Variants in DOCK8 observed in about 807,000 individuals in gnomAD.
The protein encoded by DOCK8 is dedicator of cytokinesis protein 8.
In DOCK8, 141 loss-of-function variants were observed where a neutral mutation model predicts 245.6. The ratio of observed to expected loss-of-function variants is 0.57; its 90% CI spans 0.50 to 0.66. DOCK8 has a LOEUF of 0.66. Among genes scored for constraint, DOCK8 ranks in the 30% least tolerant of loss-of-function variants. DOCK8 has a pLI of 0.00. For missense variants in DOCK8, 2,965 were observed against 2,603.4 expected (o/e 1.14, Z -3.02); for synonymous variants, 1,168 against 970.2 (o/e 1.20, Z -3.79).
chr9:311,816 CA>C (rs2050126050), intron 5 of DOCK8, 137 bp from the exon 6 acceptor site: 1 of 1,030,648 alleles, frequency 9.7e-7, no homozygotes, highest in Non-Finnish European at 1.5e-6. Context: ...ATCAAATCCG[CA>C]GTTTCTTCAG....
chr9:261,523 G>A (rs957202149), intron 1 of DOCK8, among the ~76,000 whole-genome samples: 6 of 152,144 alleles, frequency 3.9e-5, no homozygotes, highest in African/African-American at 1.4e-4. Flanking sequence ...TTGTTTTATG[G>A]TCGGGGATAT....
chr9:353,608 G>C (rs759305826), intron 14 of DOCK8, among the ~76,000 whole-genome samples: 2 of 152,032 alleles, frequency 1.3e-5, no homozygotes, highest in Non-Finnish European at 2.9e-5. Flanking sequence ...TGCTTTCTCT[G>C]TCTGTTAAAG....
intron 28 of DOCK8, among the ~76,000 whole-genome samples, chr9:411,372 C>T (rs887629425): frequency 6.6e-6 from 1 of 151,966 alleles, no homozygotes; most frequent in African/African-American, 2.4e-5. Context: ...AAGATCATGC[C>T]AATGCACTCC....
At chr9:406,488 CAAAAAAAAAAAA>C (rs202229906) in intron 27 of DOCK8, among the ~76,000 whole-genome samples, 7 of 95,248 alleles carry the variant, frequency 7.3e-5, no homozygotes, top group African/African-American at 1.4e-4. Context: ...CTCTGTCTTT[CAAAAAAAAAAAA>C]AAAAAAAAAA....
intron 14 of DOCK8, among the ~76,000 whole-genome samples, chr9:364,324 A>G (rs569966481): frequency 6.6e-6 from 1 of 152,182 alleles, no homozygotes; most frequent in Non-Finnish European, 1.5e-5. Flanking sequence ...AGCTTTGTAC[A>G]TACAGTATGA....
intron 14 of DOCK8, chr9:365,579 T>G (rs1356352862): frequency 4.4e-6 from 2 of 455,706 alleles, no homozygotes; most frequent in Non-Finnish European, 8.8e-6. Flanking sequence ...GAAGGCTTTT[T>G]TTTTTTTTCA....
chr9:447,325 G>A (rs959993470), intron 44 of DOCK8, among the ~76,000 whole-genome samples: 3 of 152,078 alleles, frequency 2.0e-5, no homozygotes, highest in African/African-American at 7.2e-5. Flanking sequence ...TCCTTTTTAT[G>A]CAGGGCCACA....
At chr9:402,302 A>G (rs2055149711) in intron 26 of DOCK8, among the ~76,000 whole-genome samples, 2 of 152,094 alleles carry the variant, frequency 1.3e-5, no homozygotes, top group Non-Finnish European at 2.9e-5. Context: ...CTTGACTCAA[A>G]TGCCAAAGAT....
intron 1 of DOCK8, among the ~76,000 whole-genome samples, chr9:224,194 T>C (rs2046942485): frequency 6.6e-6 from 1 of 152,172 alleles, no homozygotes; most frequent in South Asian, 2.1e-4. Flanking sequence ...TCTGACAGTG[T>C]TTTTCAATTA....
At chr9:296,905 C>T (rs929760965) in intron 4 of DOCK8, among the ~76,000 whole-genome samples, 3 of 152,158 alleles carry the variant, frequency 2.0e-5, no homozygotes, top group Non-Finnish European at 2.9e-5. Flanking sequence ...CAGCCTGGTT[C>T]AGCTTGGATG....
At chr9:355,231 G>C (rs2052376995) in intron 14 of DOCK8, among the ~76,000 whole-genome samples, 1 of 128,638 alleles carries the variant, frequency 7.8e-6, no homozygotes, top group Non-Finnish European at 1.6e-5. Flanking sequence ...TTGAGACAGA[G>C]TCTCGCTCTG....
rs111785237 is a variant in DOCK8, at chr9:392,428, A to G, written c.2970+1862A>G. Among the ~76,000 whole-genome samples, 695 of 152,334 alleles carry G rather than the reference A, an allele frequency of 4.6e-3. 7 individuals carry two copies. Among genetic ancestry groups the G allele is most frequent in the African/African-American group, 0.016 (680 of 41,584 alleles). On this transcript the variant is annotated intron_variant, in intron 24 of 47. Coordinates refer to ENST00000432829, the MANE Select transcript of DOCK8 (RefSeq NM_203447.4). The stretch of plus-strand genomic sequence containing the variant: ...TCTGTTTTGAGAAGGGTCCCAAAGC[A>G]TGGTCCCAAATCCTTGCCACAGAAC...
At chr9:370,434 G>C in intron 16 of DOCK8, 134 bp downstream of exon 16, 1 of 773,778 alleles carries the variant, frequency 1.3e-6, no homozygotes, top group Non-Finnish European at 2.3e-6. Context: ...ATCCATGCCA[G>C]TTCCGTGACT....
chr9:225,367 T>C (rs1423510482), intron 1 of DOCK8, among the ~76,000 whole-genome samples: 2 of 151,908 alleles, frequency 1.3e-5, no homozygotes, highest in Non-Finnish European at 2.9e-5. Flanking sequence ...ACAAACCTGG[T>C]GGGAAGAATA....
At chr9:354,616 G>A (rs1017074943) in intron 14 of DOCK8, among the ~76,000 whole-genome samples, 4 of 152,164 alleles carry the variant, frequency 2.6e-5, no homozygotes, top group South Asian at 2.1e-4. Context: ...CTAGGCTGCC[G>A]TCACCTCAAG....
intron 14 of DOCK8, among the ~76,000 whole-genome samples, chr9:346,425 C>A (rs1255432634): frequency 1.3e-5 from 2 of 152,116 alleles, no homozygotes; most frequent in African/African-American, 4.8e-5. Context: ...GGGGTATGTG[C>A]GGAGATCACA....
At chr9:441,559 G>A in intron 41 of DOCK8, 142 bp downstream of exon 41, 1 of 1,329,422 alleles carries the variant, frequency 7.5e-7, no homozygotes, top group African/African-American at 1.5e-5. Flanking sequence ...ACAGAAAAGG[G>A]CTGAAATTCT....
chr9:302,658 A>G (rs577350444), intron 4 of DOCK8, among the ~76,000 whole-genome samples: 1 of 152,222 alleles, frequency 6.6e-6, no homozygotes, highest in African/African-American at 2.4e-5. Context: ...CAACATGCAA[A>G]AAACCACCCC....
At chr9:461,104 G>A (rs955771829) in intron 46 of DOCK8, among the ~76,000 whole-genome samples, 8 of 152,162 alleles carry the variant, frequency 5.3e-5, no homozygotes, top group African/African-American at 1.7e-4. Context: ...GGTGTGTACC[G>A]TACCGTGCAG....
Sources: allele counts gnomAD v4.1 joint callset (sites outside exome capture counted in the v4.1 genomes callset), GRCh38; gene constraint gnomAD v4.1.1; transcripts MANE v1.5; gene names NCBI Gene and HGNC (gene_info 2026-07-23, HGNC 2026-07-21).